The following PGAP4 variants were observed in gnomAD, a reference collection of about 807,000 sequenced individuals.
The protein encoded by PGAP4 is post-GPI attachment to proteins GalNAc transferase 4, also known as GPI-N-acetylgalactosamine transferase PGAP4.
Under a neutral mutation model 28.2 loss-of-function variants are expected in PGAP4, and 12 were observed. The observed-to-expected ratio is 0.42, with a 90% confidence interval of 0.27 to 0.69. The LOEUF is 0.69. Ranked by LOEUF, PGAP4 falls within the 30% of genes least tolerant of loss-of-function variation. The pLI, the probability that PGAP4 is intolerant of heterozygous loss-of-function variation, is 0.22. For synonymous variants in PGAP4, 205 were observed against 211.8 expected, an observed-to-expected ratio of 0.97 and a Z score of 0.28; for missense variants, 425 against 513.5, an observed-to-expected ratio of 0.83 and a Z score of 1.67.
rs2118557479 is a variant in PGAP4, at chr9:101,486,142, G to A, written c.-78+807C>T. Among the ~76,000 whole-genome samples the A allele has an allele frequency of 6.6e-6, 1 of 152,324 alleles. No individual in the cohort carries two copies. The highest frequency in any genetic ancestry group is 1.5e-5 in the Non-Finnish European group (1 of 68,032). On this transcript the variant is annotated intron_variant, in intron 1 of 1. Transcript: ENST00000374848. The surrounding 1 kb of genome is among the most constrained non-coding windows in gnomAD (Gnocchi z 4.7). ...GCAGTGCGACACTAGCGACGCCGGA[G>A]CCAAGGGCCAGAAAGAGGGCGAGAC...
At chr9:101,523,647 TTTTTTG>T in intron 2 of PGAP4, among the ~76,000 whole-genome samples, 3 of 134,046 alleles carry the variant, frequency 2.2e-5, no homozygotes, top group African/African-American at 8.3e-5. Context: ...TTTTTTTTTT[TTTTTTG>T]GATTTCCTTG....
At chr9:101,496,349 A>G (rs1012715447) in intron 2 of PGAP4, among the ~76,000 whole-genome samples, 1 of 151,530 alleles carries the variant, frequency 6.6e-6, no homozygotes, top group East Asian at 1.9e-4. Context: ...AATCATGTGC[A>G]GCGAAGTCCA....
At chr9:101,510,309 A>T (rs1355478970) in intron 2 of PGAP4, among the ~76,000 whole-genome samples, 1 of 152,306 alleles carries the variant, frequency 6.6e-6, no homozygotes. Context: ...GTTAGCCACC[A>T]AGAATTATTC....
chr9:101,501,808 T>C (rs1018611315), intron 2 of PGAP4: 6 of 512,966 alleles, frequency 1.2e-5, no homozygotes, highest in African/African-American at 1.2e-4. Context: ...ACAGTGCTGC[T>C]CTAGTACCTC....
rs1826348667 is a variant in PGAP4, at chr9:101,477,169, C to A, written c.-77G>T. ...CAGGCCAGAGTCATCAGAAATCAAACCTAAAGAGAGAGGAAGTAGGGAATG... is the reference window on the plus strand; with the variant it reads ...CAGGCCAGAGTCATCAGAAATCAAAACTAAAGAGAGAGGAAGTAGGGAATG... On this transcript the variant is annotated splice_region_variant and 5_prime_UTR_variant, in exon 2 of 2. Transcript: ENST00000374848. The A allele has an allele frequency of 1.1e-5, 16 of 1,470,798 alleles. No individual in the cohort carries two copies. The South Asian group carries it at 1.9e-4, about 18-fold the overall frequency. The allele number at this position is 1,470,798 out of a possible 1,614,324, so 91.1% of individuals were successfully genotyped here. A position where few individuals can be genotyped will look rare whatever the true frequency, so the allele number is the denominator to read the frequency against.
intron 2 of PGAP4, among the ~76,000 whole-genome samples, chr9:101,517,414 A>G (rs1381242278): frequency 6.6e-6 from 1 of 152,158 alleles, no homozygotes; most frequent in Non-Finnish European, 1.5e-5. Context: ...ATAACAAGCT[A>G]ATGGGGTGGG....
rs41281043 is a variant in PGAP4 at position 101,475,680 on chromosome 9, A to G, written c.*201T>C. 1.6e-3 allele frequency: 984 copies of G among 609,156 alleles called. 2 individuals carry two copies. The highest frequency in any genetic ancestry group is 2.5e-3 in the Admixed American group (83 of 33,580). The allele number at this position is 609,156 out of a possible 1,614,324, so 37.7% of individuals were successfully genotyped here. On this transcript the variant is annotated 3_prime_UTR_variant, in exon 2 of 2. Transcript: ENST00000374848. ...TGGCTGTGTGGAGGGAGAGGTCCGG[A>G]CCTGTGGCAAACTGCTGCTCCTGCC... is the stretch of plus-strand genomic sequence containing the variant.
chr9:101,476,797 C>A lies in PGAP4; in HGVS notation c.296G>T (p.Arg99Leu). 6.2e-7 allele frequency: 1 copy of A among 1,611,494 alleles called. No homozygotes were observed. The highest frequency in any genetic ancestry group is 8.5e-7 in the Non-Finnish European group (1 of 1,178,516). ...SVPIVWQATP[R>L]PWLVITIITV... is the part of the protein sequence containing the mutation. ...GATGATGGTGATCACCAGCCAGGGC[C>A]GGGGGGTGGCCTGCCAGACAATGGG... Residue 99 changes from arginine (R) to leucine (L), a missense_variant, in exon 2 of 2, where the codon CGG becomes CTG. By Grantham distance (102) the Arg-to-Leu change is moderately radical (BLOSUM62 -2). Transcript: ENST00000374848. The surrounding 1 kb of genome is among the most constrained non-coding windows in gnomAD (Gnocchi z 7.0).
At chr9:101,508,956 C>T (rs1015680855) in intron 2 of PGAP4, among the ~76,000 whole-genome samples, 4 of 152,160 alleles carry the variant, frequency 2.6e-5, no homozygotes, top group South Asian at 2.1e-4. Flanking sequence ...TGGAAACAGG[C>T]TTTTCAGTGC....
chr9:101,499,653 G>A (rs77768111), intron 2 of PGAP4, among the ~76,000 whole-genome samples: 5,883 of 152,140 alleles, frequency 0.039, 167 homozygotes, highest in Admixed American at 0.076. Flanking sequence ...TTTTGCATAA[G>A]GTTGCAATGG....
chr9:101,479,760 T>C (rs1465287593), intron 1 of PGAP4: 1 of 152,218 alleles, frequency 6.6e-6, no homozygotes, highest in Non-Finnish European at 1.5e-5. Context: ...CATACGGGTT[T>C]GTGGATAGCT....
At chr9:101,510,707 A>T (rs1826889737) in intron 2 of PGAP4, among the ~76,000 whole-genome samples, 1 of 152,164 alleles carries the variant, frequency 6.6e-6, no homozygotes, top group African/African-American at 2.4e-5. Flanking sequence ...TATGGTTAGC[A>T]TGTGGGCTTA....
At position 101,476,327 on chromosome 9, in the gene PGAP4, T is replaced by G. The variant is rs772714193; in HGVS notation, c.766A>C (p.Asn256His). 1.4e-5 allele frequency: 23 copies of G among 1,613,882 alleles called. No individual in the cohort carries two copies. The highest frequency in any genetic ancestry group is 4.0e-5 in the African/African-American group (3 of 74,878). Residue 256 changes from asparagine to histidine, a missense_variant, in exon 2 of 2, where the codon AAT becomes CAT. Asn to His is a moderately conservative substitution (Grantham distance 68). Transcript: ENST00000374848. The surrounding 1 kb of genome is among the most constrained non-coding windows in gnomAD (Gnocchi z 7.0). Reference sequence around the variant, plus strand: ...TCCAGGATCCGCATGGGCTCTGGATTGATGTAGTGCTGGAGCCTCTCGGGG... The same window carrying G: ...TCCAGGATCCGCATGGGCTCTGGATGGATGTAGTGCTGGAGCCTCTCGGGG... ...YHPERLQHYI[N>H]PEPMRILEWV...
chr9:101,524,613 G>A (rs1253533833), intron 2 of PGAP4, among the ~76,000 whole-genome samples: 4 of 152,198 alleles, frequency 2.6e-5, no homozygotes, highest in African/African-American at 9.6e-5. Context: ...AGCCAGGAAT[G>A]GGCTGCTGGG....
rs538965596 is a variant in PGAP4 at position 101,529,447 on chromosome 9, G to C, written c.-165+1901C>G. 6.8e-4 allele frequency among the ~76,000 whole-genome samples: 103 copies of C among 152,264 alleles called. 1 individual carries two copies. The highest frequency in any genetic ancestry group is 2.2e-3 in the African/African-American group (90 of 41,564). ...TGGGATTACAGGCATAAGCCACCGC[G>C]CCCGGCCTTCTCTCAGCTTTTTAAG... On this transcript the variant is annotated intron_variant, in intron 2 of 3. Coordinates refer to the PGAP4 transcript ENST00000374851.
intron 1 of PGAP4, among the ~76,000 whole-genome samples, chr9:101,484,682 C>A (rs779272552): frequency 1.3e-5 from 2 of 152,182 alleles, no homozygotes; most frequent in Non-Finnish European, 2.9e-5. Context: ...CTCACCAAAA[C>A]TTGACCATGC....
At position 101,476,296 on chromosome 9, in the gene PGAP4, A is replaced by G. The variant is rs1383969157; in HGVS notation, c.797T>C (p.Val266Ala). ...GGGCCCCAGCAACATGCCTACACCA[A>G]CCCATTCCAGGATCCGCATGGGCTC... ...NPEPMRILEW[V>A]GVGMLLGPLL... is the part of the protein sequence containing the mutation. Residue 266 changes from valine (V) to alanine (A), a missense_variant, in exon 2 of 2, where the codon GTT (valine) becomes GCT (alanine). Transcript: ENST00000374848. This position sits in a 1 kb window ranked among gnomAD's most constrained non-coding sequence, Gnocchi z 7.0. 2.5e-6 allele frequency: 4 copies of G among 1,613,932 alleles called. No homozygotes were observed. Among genetic ancestry groups the G allele is most frequent in the African/African-American group, 2.7e-5 (2 of 74,960 alleles).
At chr9:101,511,708 C>T (rs183757684) in intron 2 of PGAP4, among the ~76,000 whole-genome samples, 3 of 152,232 alleles carry the variant, frequency 2.0e-5, no homozygotes, top group East Asian at 1.9e-4. Flanking sequence ...AGTGCTTAAT[C>T]GGTCAACCTC....
At chr9:101,526,544 G>C (rs1490943166) in intron 2 of PGAP4, among the ~76,000 whole-genome samples, 2 of 152,138 alleles carry the variant, frequency 1.3e-5, no homozygotes, top group Non-Finnish European at 2.9e-5. Context: ...CTGCCTCCTG[G>C]GTTCAAGTGA....
Sources: allele counts gnomAD v4.1 joint callset (sites outside exome capture counted in the v4.1 genomes callset), GRCh38; gene constraint gnomAD v4.1.1; non-coding constraint Gnocchi (gnomAD v3.1); transcripts MANE v1.5; gene names NCBI Gene and HGNC (gene_info 2026-07-23, HGNC 2026-07-21).